The following SCFD2 variants were observed in gnomAD, a reference collection of about 807,000 sequenced individuals.
SCFD2 encodes sec1 family domain containing 2, also known as sec1 family domain-containing protein 2.
Under a neutral mutation model 58.9 loss-of-function variants are expected in SCFD2, and 54 were observed. The observed-to-expected ratio is 0.92, with a 90% confidence interval of 0.74 to 1.15. SCFD2 has a LOEUF of 1.15. Among genes scored for constraint, SCFD2 ranks in the 50% most tolerant of loss-of-function variants. SCFD2 has a pLI of 0.00. For missense variants in SCFD2, 805 were observed against 836.6 expected (o/e 0.96, Z 0.47); for synonymous variants, 321 against 335.9 (o/e 0.96, Z 0.49).
At chr4:52,938,383 C>A (rs572599330) in intron 5 of SCFD2, among the ~76,000 whole-genome samples, 1 of 152,198 alleles carries the variant, frequency 6.6e-6, no homozygotes, top group Admixed American at 6.5e-5. Flanking sequence ...TTTACTATTG[C>A]AGGAAATCAA....
intron 5 of SCFD2, among the ~76,000 whole-genome samples, chr4:53,129,508 C>A (rs1189563401): frequency 6.6e-6 from 1 of 152,174 alleles, no homozygotes; most frequent in Non-Finnish European, 1.5e-5. Flanking sequence ...TGTTAATCTT[C>A]CATTCTCACA....
chr4:53,349,833 GCTTA>G (rs1381327976), intron 2 of SCFD2, among the ~76,000 whole-genome samples: 1 of 152,112 alleles, frequency 6.6e-6, no homozygotes, highest in Non-Finnish European at 1.5e-5. Flanking sequence ...CCTCTGGGGA[GCTTA>G]CTTATTTTTT....
At chr4:52,905,037 T>C (rs1719312754) in intron 7 of SCFD2, among the ~76,000 whole-genome samples, 1 of 152,240 alleles carries the variant, frequency 6.6e-6, no homozygotes, top group South Asian at 2.1e-4. Context: ...TGAACCGTGA[T>C]ACACACTGAT....
intron 2 of SCFD2, among the ~76,000 whole-genome samples, chr4:53,349,537 G>A (rs958310287): frequency 4.6e-5 from 7 of 152,160 alleles, no homozygotes; most frequent in Non-Finnish European, 7.3e-5. Context: ...TCTCTTGTCA[G>A]TAGCAAAGAA....
intron 3 of SCFD2, among the ~76,000 whole-genome samples, chr4:53,282,016 T>C (rs1301437301): frequency 6.6e-6 from 1 of 152,234 alleles, no homozygotes; most frequent in African/African-American, 2.4e-5. Flanking sequence ...AAGTTCAAAA[T>C]CAGTAAATAG....
chr4:53,207,502 T>TAATATATATATAA, intron 4 of SCFD2, among the ~76,000 whole-genome samples: 1 of 39,120 alleles, frequency 2.6e-5, no homozygotes, highest in South Asian at 1.1e-3. Flanking sequence ...TTCATATATA[T>TAATATATATATAA]ATATTATATA....
chr4:53,256,936 G>A (rs1461485018), intron 4 of SCFD2, among the ~76,000 whole-genome samples: 30 of 132,120 alleles, frequency 2.3e-4, no homozygotes, highest in African/African-American at 6.9e-4. Flanking sequence ...GAGGGGGAGG[G>A]AGAGGGAGAG....
intron 5 of SCFD2, among the ~76,000 whole-genome samples, chr4:52,932,819 T>C (rs1560485126): frequency 6.6e-6 from 1 of 152,144 alleles, no homozygotes; most frequent in Non-Finnish European, 1.5e-5. Flanking sequence ...TAAATCTCCA[T>C]TGAACCGAGC....
At chr4:52,961,907 T>C (rs889194107) in intron 5 of SCFD2, among the ~76,000 whole-genome samples, 4 of 152,154 alleles carry the variant, frequency 2.6e-5, no homozygotes, top group South Asian at 2.1e-4. Flanking sequence ...CTGAAGGCAA[T>C]ACTACAGTGG....
rs372433453 is a variant in SCFD2, at chr4:52,912,516, GA to G, written c.1708-4926del. ...TTTCCTACTTGAATGGGAATATGGG[GA>G]AAAAAAAAACCCTCTAAATTTTCTA... On this transcript the variant is annotated intron_variant, in intron 6 of 8. Coordinates refer to ENST00000401642, the MANE Select transcript of SCFD2 (RefSeq NM_152540.4). Among the ~76,000 whole-genome samples, 805 of 146,746 alleles carry G rather than the reference GA, an allele frequency of 5.5e-3. 9 individuals carry two copies. Among genetic ancestry groups the G allele is most frequent in the East Asian group, 0.014 (69 of 5,074 alleles).
At position 53,148,968 on chromosome 4, in the gene SCFD2, C is replaced by T. The variant is rs1256884989; in HGVS notation, c.1312-3386G>A. On this transcript the variant is annotated intron_variant, in intron 4 of 8. Coordinates refer to ENST00000401642, the MANE Select transcript of SCFD2 (RefSeq NM_152540.4). ...GGGGCTGCAGTGAGCTATGATTGTG[C>T]CAGTGCAACAGAGCAAGACCCTGTC... Among the ~76,000 whole-genome samples the T allele has an allele frequency of 2.6e-5, 4 of 152,284 alleles. No homozygotes were observed. The South Asian group carries it at 6.2e-4, about 24-fold the overall frequency.
At chr4:53,214,205 G>C (rs1214934596) in intron 4 of SCFD2, among the ~76,000 whole-genome samples, 1 of 152,104 alleles carries the variant, frequency 6.6e-6, no homozygotes, top group African/African-American at 2.4e-5. Flanking sequence ...GGTATTTCTA[G>C]TTCCAGATCC....
intron 1 of SCFD2, among the ~76,000 whole-genome samples, chr4:53,357,428 C>CAA (rs35837415): frequency 5.0e-4 from 70 of 140,078 alleles, no homozygotes; most frequent in Non-Finnish European, 7.9e-4. Context: ...GACTCTGTCT[C>CAA]AAAAAAAAAA....
intron 2 of SCFD2, among the ~76,000 whole-genome samples, chr4:53,336,464 A>G (rs2149139777): frequency 6.6e-6 from 1 of 151,510 alleles, no homozygotes; most frequent in East Asian, 1.9e-4. Context: ...ACGTAAACTA[A>G]CCTCTATAAA....
intron 5 of SCFD2, among the ~76,000 whole-genome samples, chr4:53,106,607 A>G (rs1725011096): frequency 6.6e-6 from 1 of 152,232 alleles, no homozygotes; most frequent in South Asian, 2.1e-4. Flanking sequence ...AAGAGGAAGA[A>G]AGGATATCAG....
chr4:53,261,113 C>T (rs1322558951), intron 4 of SCFD2, among the ~76,000 whole-genome samples: 1 of 152,052 alleles, frequency 6.6e-6, no homozygotes, highest in Non-Finnish European at 1.5e-5. Context: ...GATCGTCTTT[C>T]TTCTTTTCTT....
At position 53,352,481 on chromosome 4, in the gene SCFD2, T is replaced by C. The variant is rs1734251211; in HGVS notation, c.1007+117A>G. On this transcript the variant is annotated intron_variant, in intron 2 of 8. Transcript: ENST00000401642. ...GCTTTTTGCTAAATGCTACCCACTGTGAAATTTTCAACCAGACCAATTCTT... is the reference window on the plus strand; with the variant it reads ...GCTTTTTGCTAAATGCTACCCACTGCGAAATTTTCAACCAGACCAATTCTT... 1.3e-5 allele frequency: 10 copies of C among 775,416 alleles called. No individual in the cohort carries two copies. The South Asian group carries it at 2.4e-4, about 19-fold the overall frequency. 48.0% of individuals were successfully genotyped at this position (775,416 alleles called of 1,614,324 possible).
intron 7 of SCFD2, among the ~76,000 whole-genome samples, chr4:52,890,304 C>T (rs935146869): frequency 1.2e-4 from 18 of 152,206 alleles, no homozygotes; most frequent in African/African-American, 4.3e-4. Context: ...AAGAAACAAA[C>T]TGCAACAACA....
At chr4:53,317,343 C>T (rs925936309) in intron 2 of SCFD2, among the ~76,000 whole-genome samples, 1 of 152,102 alleles carries the variant, frequency 6.6e-6, no homozygotes, top group African/African-American at 2.4e-5. Context: ...ACTTCTTCAC[C>T]AAGTCACTCT....
Sources: gnomAD v4.1 joint callset for allele counts (sites outside exome capture counted in the v4.1 genomes callset) on GRCh38, gnomAD v4.1.1 for gene constraint, MANE v1.5 for transcripts, NCBI Gene and HGNC (gene_info 2026-07-23, HGNC 2026-07-21) for gene names.